CPVL: variants seen among roughly 807,000 people sequenced by gnomAD.
The protein encoded by CPVL is probable serine carboxypeptidase CPVL.
A neutral mutation model predicts 63.7 loss-of-function variants in CPVL; 51 were observed. That is an observed-to-expected ratio of 0.80 (90% CI 0.64 to 1.01). The LOEUF is 1.01. Ranked by LOEUF, CPVL falls within the 50% of genes least tolerant of loss-of-function variation. CPVL has a pLI of 0.00. For synonymous variants in CPVL, 195 were observed against 206.0 expected (o/e 0.95, Z 0.46); for missense variants, 530 against 573.1 (o/e 0.92, Z 0.77).
chr7:29,142,892 C>T (rs1792054164), intron 1 of CPVL, among the ~76,000 whole-genome samples: 1 of 152,144 alleles, frequency 6.6e-6, no homozygotes, highest in East Asian at 1.9e-4. Context: ...CAGAAGTCCT[C>T]AAGTCAAATC....
chr7:29,014,939 G>A (rs116033950), intron 12 of CPVL, among the ~76,000 whole-genome samples: 1,855 of 152,234 alleles, frequency 0.012, 12 homozygotes, highest in African/African-American at 0.018. Context: ...CAGTAATTCC[G>A]AGAAAGGCAG....
intron 7 of CPVL, among the ~76,000 whole-genome samples, chr7:29,080,055 C>T (rs1364439902): frequency 2.6e-5 from 4 of 151,902 alleles, no homozygotes; most frequent in Non-Finnish European, 4.4e-5. Context: ...TGGAAAACAA[C>T]GGAGGCCAAA....
chr7:29,106,774 T>G (rs1186399437), intron 3 of CPVL, among the ~76,000 whole-genome samples: 4 of 152,062 alleles, frequency 2.6e-5, no homozygotes, highest in African/African-American at 9.7e-5. Flanking sequence ...TGTCACAAGA[T>G]CTCACAGCCA....
chr7:29,078,318 C>A (rs930522398), intron 7 of CPVL, among the ~76,000 whole-genome samples: 2 of 152,126 alleles, frequency 1.3e-5, no homozygotes, highest in Non-Finnish European at 2.9e-5. Context: ...AGAAGATACT[C>A]CTTAAAAAAG....
chr7:29,026,186 C>T (rs1279099376), intron 12 of CPVL, among the ~76,000 whole-genome samples: 1 of 151,990 alleles, frequency 6.6e-6, no homozygotes, highest in African/African-American at 2.4e-5. Context: ...ACTGTATAAA[C>T]ACATGAAAAT....
chr7:29,167,500 AT>A (rs1458340963), intron 5 of CPVL, among the ~76,000 whole-genome samples: 1 of 152,194 alleles, frequency 6.6e-6, no homozygotes, highest in Non-Finnish European at 1.5e-5. Flanking sequence ...TGGTGCACAT[AT>A]GCAAAACTAT....
At chr7:29,113,083 G>T (rs928566658) in intron 2 of CPVL, among the ~76,000 whole-genome samples, 1 of 151,506 alleles carries the variant, frequency 6.6e-6, no homozygotes, top group African/African-American at 2.4e-5. Context: ...CTGTAATAAG[G>T]TTTTTTTTAA....
chr7:29,063,127 G>A (rs538029573), intron 11 of CPVL, among the ~76,000 whole-genome samples: 1 of 152,296 alleles, frequency 6.6e-6, no homozygotes, highest in East Asian at 1.9e-4. Context: ...CAGGGCCCAT[G>A]TCTTCTTTGC....
At chr7:29,092,304 T>A (rs1181823218) in intron 6 of CPVL, among the ~76,000 whole-genome samples, 2 of 151,656 alleles carry the variant, frequency 1.3e-5, no homozygotes, top group African/African-American at 4.8e-5. Flanking sequence ...AAAAATTGCA[T>A]CCAAAAGCCA....
At chr7:29,036,586 T>C (rs1409320816) in intron 11 of CPVL, among the ~76,000 whole-genome samples, 1 of 152,216 alleles carries the variant, frequency 6.6e-6, no homozygotes, top group African/African-American at 2.4e-5. Flanking sequence ...CACCCTTGAC[T>C]ACTAATTTTG....
intron 7 of CPVL, among the ~76,000 whole-genome samples, chr7:29,077,749 C>T (rs1415317420): frequency 6.6e-6 from 1 of 152,188 alleles, no homozygotes; most frequent in Non-Finnish European, 1.5e-5. Flanking sequence ...AGCTGCCACC[C>T]ATTTATGGGA....
chr7:29,104,340 A>C (rs1267249898), intron 3 of CPVL, among the ~76,000 whole-genome samples: 1 of 152,136 alleles, frequency 6.6e-6, no homozygotes, highest in Non-Finnish European at 1.5e-5. Context: ...GGCTCACTGC[A>C]ACCTCCACCT....
chr7:29,088,681 C>G (rs1785451738), intron 6 of CPVL, among the ~76,000 whole-genome samples: 1 of 152,132 alleles, frequency 6.6e-6, no homozygotes, highest in South Asian at 2.1e-4. Context: ...AGAAGCAGAT[C>G]TGCTAAACAT....
At chr7:29,091,961 T>C (rs1785851784) in intron 6 of CPVL, among the ~76,000 whole-genome samples, 1 of 152,164 alleles carries the variant, frequency 6.6e-6, no homozygotes, top group Non-Finnish European at 1.5e-5. Flanking sequence ...AGGGTTCTTT[T>C]AGTAAATTAT....
At chr7:29,157,178 A>G (rs979969416) in intron 5 of CPVL, among the ~76,000 whole-genome samples, 2 of 152,110 alleles carry the variant, frequency 1.3e-5, no homozygotes, top group African/African-American at 4.8e-5. Context: ...TAACATCCTA[A>G]TCACCCACAT....
intron 11 of CPVL, among the ~76,000 whole-genome samples, chr7:29,039,133 G>A (rs922783566): frequency 6.6e-6 from 1 of 152,160 alleles, no homozygotes; most frequent in African/African-American, 2.4e-5. Context: ...GCCAAGAAAA[G>A]TCAGTTTCAC....
At chr7:29,028,653 A>T (rs1330273609) in intron 12 of CPVL, among the ~76,000 whole-genome samples, 1 of 152,150 alleles carries the variant, frequency 6.6e-6, no homozygotes, top group Non-Finnish European at 1.5e-5. Flanking sequence ...AGCACAAACC[A>T]TAAATAATAC....
intron 3 of CPVL, among the ~76,000 whole-genome samples, chr7:29,106,531 A>C (rs1455703196): frequency 6.6e-6 from 1 of 152,206 alleles, no homozygotes; most frequent in Non-Finnish European, 1.5e-5. Context: ...ACATAGGCAC[A>C]GAAAGAGAAG....
At chr7:29,156,960 G>T (rs1344502694) in intron 5 of CPVL, among the ~76,000 whole-genome samples, 1 of 152,038 alleles carries the variant, frequency 6.6e-6, no homozygotes, top group East Asian at 1.9e-4. Context: ...CAAAACAAAA[G>T]CTACCCTTCG....
Sources: gnomAD v4.1 joint callset for allele counts (sites outside exome capture counted in the v4.1 genomes callset) on GRCh38, gnomAD v4.1.1 for gene constraint, MANE v1.5 for transcripts, NCBI Gene and HGNC (gene_info 2026-07-23, HGNC 2026-07-21) for gene names.